The following SGCZ variants were observed in gnomAD, a reference collection of about 807,000 sequenced individuals.
The protein encoded by SGCZ is sarcoglycan zeta.
SGCZ carries 40 observed loss-of-function variants against 41.3 expected under a neutral mutation model. That is an observed-to-expected ratio of 0.97 (90% confidence interval 0.75 to 1.26). The LOEUF is 1.26. Ranked by LOEUF, SGCZ falls within the 50% of genes most tolerant of loss-of-function variation. The probability of loss-of-function intolerance (pLI) is 0.00; values close to 1 mark genes in which losing one functional copy is unlikely to be tolerated. For synonymous variants in SGCZ, 206 were observed against 137.5 expected, an observed-to-expected ratio of 1.50 and a Z score of -3.49; for missense variants, 552 against 369.8, an observed-to-expected ratio of 1.49 and a Z score of -4.04.
At chr8:14,717,783 G>C (rs1396858927) in intron 1 of SGCZ, among the ~76,000 whole-genome samples, 1 of 151,910 alleles carries the variant, frequency 6.6e-6, no homozygotes, top group African/African-American at 2.4e-5. Flanking sequence ...AACTGTGTGT[G>C]AAAAAGGGAT....
At chr8:14,974,923 G>C (rs1030803013) in intron 1 of SGCZ, among the ~76,000 whole-genome samples, 1 of 151,212 alleles carries the variant, frequency 6.6e-6, no homozygotes. Context: ...TGGACCAACT[G>C]TGGGAAATTT....
At chr8:14,836,501 A>G (rs1273163463) in intron 1 of SGCZ, among the ~76,000 whole-genome samples, 1 of 151,834 alleles carries the variant, frequency 6.6e-6, no homozygotes, top group African/African-American at 2.4e-5. Context: ...AACACTCACA[A>G]TTGTGTTTTT....
chr8:15,202,892 C>T (rs1296615539), intron 1 of SGCZ, among the ~76,000 whole-genome samples: 1 of 152,066 alleles, frequency 6.6e-6, no homozygotes, highest in African/African-American at 2.4e-5. Flanking sequence ...AGGCAGATCA[C>T]CTGAGGTCGG....
chr8:14,554,842 A>C lies in SGCZ; in HGVS notation c.124T>G (p.Tyr42Asp), dbSNP rs895171553. The change falls in exon 2 of 8, where the codon TAT becomes GAT. Residue 42 changes from tyrosine to aspartate, a missense_variant. Transcript: ENST00000382080. ...TATAAGCACCTCTTTCGCCATCCAT[A>C]AATTCCCACTGGGTAAAGTTGTGCA... The part of the protein sequence containing the change: ...ENAQLYPVGI[Y>D]GWRKRCLYFF... The C allele has an allele frequency of 6.2e-7, 1 of 1,613,386 alleles. No individual in the cohort carries two copies. Among genetic ancestry groups the C allele is most frequent in the Admixed American group, 1.7e-5 (1 of 59,910 alleles).
chr8:15,001,856 A>G (rs1802435951), intron 1 of SGCZ, among the ~76,000 whole-genome samples: 1 of 152,100 alleles, frequency 6.6e-6, no homozygotes, highest in Non-Finnish European at 1.5e-5. Context: ...ATTAAGACCC[A>G]GAGAAGTGAA....
At chr8:14,092,890 T>C (rs1256891486) in intron 7 of SGCZ, among the ~76,000 whole-genome samples, 3 of 148,780 alleles carry the variant, frequency 2.0e-5, no homozygotes, top group African/African-American at 7.3e-5. Context: ...TTATTGTCTA[T>C]AATTAGATTT....
intron 4 of SGCZ, among the ~76,000 whole-genome samples, chr8:14,177,213 C>A (rs1278217459): frequency 6.6e-6 from 1 of 151,978 alleles, no homozygotes; most frequent in African/African-American, 2.4e-5. Context: ...GGGGACTGGG[C>A]ACCTATTGCA....
chr8:14,839,249 G>T (rs2130621963), intron 1 of SGCZ, among the ~76,000 whole-genome samples: 1 of 152,018 alleles, frequency 6.6e-6, no homozygotes, highest in Middle Eastern at 3.4e-3. Flanking sequence ...GAGAAAGAGA[G>T]AGAAAAAAAT....
At position 14,220,389 on chromosome 8, in the gene SGCZ, T is replaced by C. The variant is rs575667895; in HGVS notation, c.424+17203A>G. 4.6e-5 allele frequency among the ~76,000 whole-genome samples: 7 copies of C among 152,124 alleles called. No homozygotes were observed. In the South Asian group the frequency reaches 1.5e-3, roughly 32 times the overall value. On this transcript the variant is annotated intron_variant, in intron 4 of 7. Transcript: ENST00000382080. ...AATTTATTTATATACACTTCAAAAATCAAATAATGGTTTAGCTTTGAGAGT... is the reference window on the plus strand; with the variant it reads ...AATTTATTTATATACACTTCAAAAACCAAATAATGGTTTAGCTTTGAGAGT...
chr8:14,486,728 A>G (rs1173897213), intron 2 of SGCZ, among the ~76,000 whole-genome samples: 1 of 152,152 alleles, frequency 6.6e-6, no homozygotes, highest in Non-Finnish European at 1.5e-5. Flanking sequence ...TTGCCTCACC[A>G]TACCCAGCTA....
At chr8:14,808,095 G>C (rs1321644994) in intron 1 of SGCZ, among the ~76,000 whole-genome samples, 2 of 152,180 alleles carry the variant, frequency 1.3e-5, no homozygotes, top group African/African-American at 4.8e-5. Context: ...ATGGATTAAA[G>C]ACTGAAACGT....
chr8:14,196,871 A>G (rs1238393804), intron 4 of SGCZ, among the ~76,000 whole-genome samples: 1 of 152,154 alleles, frequency 6.6e-6, no homozygotes, highest in African/African-American at 2.4e-5. Context: ...TTCAATATCA[A>G]ATAAATTCTA....
intron 1 of SGCZ, among the ~76,000 whole-genome samples, chr8:14,752,528 AG>A (rs1799530529): frequency 6.6e-6 from 1 of 152,178 alleles, no homozygotes; most frequent in Admixed American, 6.5e-5. Context: ...TTCATTATCT[AG>A]CCCAATTGGT....
intron 2 of SGCZ, among the ~76,000 whole-genome samples, chr8:14,476,947 C>CA (rs1372689170): frequency 2.0e-5 from 3 of 152,162 alleles, no homozygotes; most frequent in African/African-American, 7.2e-5. Context: ...CCAAAAGGTA[C>CA]AAAAGCAGGC....
intron 1 of SGCZ, among the ~76,000 whole-genome samples, chr8:15,179,584 T>C (rs1800103293): frequency 6.6e-6 from 1 of 152,170 alleles, no homozygotes. Context: ...GGGAAATGCA[T>C]TATTTCACAT....
At chr8:14,164,745 G>A in intron 4 of SGCZ, 43 bp from the exon 5 acceptor site, 1 of 1,604,072 alleles carries the variant, frequency 6.2e-7, no homozygotes, top group Non-Finnish European at 8.5e-7. Context: ...TGGTATGCAG[G>A]AAACCATTAA....
At chr8:14,268,160 C>T (rs1799939759) in intron 3 of SGCZ, among the ~76,000 whole-genome samples, 2 of 149,696 alleles carry the variant, frequency 1.3e-5, no homozygotes, top group South Asian at 4.2e-4. Context: ...GTGAGAAAAA[C>T]AGAAACAACG....
chr8:14,708,876 G>A lies in SGCZ; in HGVS notation c.40-153950C>T, dbSNP rs150118366. Among the ~76,000 whole-genome samples, 17 of 150,360 alleles carry A rather than the reference G, an allele frequency of 1.1e-4. No homozygotes were observed. In the East Asian group the frequency reaches 3.4e-3, roughly 30 times the overall value. On this transcript the variant is annotated intron_variant, in intron 1 of 7. Coordinates refer to ENST00000382080, the MANE Select transcript of SGCZ (RefSeq NM_139167.4). ...ATAATCCTATTACATTTTTTCACATGTAACATTCAAATTCTTGCTACTTGG... is the reference window on the plus strand; with the variant it reads ...ATAATCCTATTACATTTTTTCACATATAACATTCAAATTCTTGCTACTTGG...
intron 1 of SGCZ, among the ~76,000 whole-genome samples, chr8:14,577,414 A>G (rs1390373344): frequency 1.4e-5 from 2 of 139,962 alleles, no homozygotes; most frequent in Admixed American, 1.5e-4. Flanking sequence ...TTTGAGACAG[A>G]GTCTCACTCC....
Sources: gnomAD v4.1 joint callset for allele counts (sites outside exome capture counted in the v4.1 genomes callset) on GRCh38, gnomAD v4.1.1 for gene constraint, MANE v1.5 for transcripts, NCBI Gene and HGNC (gene_info 2026-07-23, HGNC 2026-07-21) for gene names.